The following CEP83 variants were observed in gnomAD, a reference collection of about 807,000 sequenced individuals.
The protein encoded by CEP83 is centrosomal protein of 83 kDa.
In CEP83, 70 loss-of-function variants were observed where a neutral mutation model predicts 101.9. The observed-to-expected ratio is 0.69, with a 90% CI of 0.57 to 0.84. CEP83 has a LOEUF of 0.84. CEP83 is among the 40% of genes least tolerant of loss of function. CEP83 has a pLI of 0.00. For synonymous variants in CEP83, 264 were observed against 267.9 expected (o/e 0.99, Z 0.14); for missense variants, 715 against 787.2 (o/e 0.91, Z 1.10).
At chr12:94,410,003 G>A (rs533872062) in intron 4 of CEP83, among the ~76,000 whole-genome samples, 4 of 152,106 alleles carry the variant, frequency 2.6e-5, no homozygotes, top group Non-Finnish European at 5.9e-5. Flanking sequence ...AACATATCCT[G>A]GTTGGGGATA....
At chr12:94,451,774 T>C (rs375951323) in intron 1 of CEP83, among the ~76,000 whole-genome samples, 18 of 152,288 alleles carry the variant, frequency 1.2e-4, no homozygotes, top group African/African-American at 4.3e-4. Context: ...GCTTACCATA[T>C]AATTCAACAA....
chr12:94,339,580 C>A (rs2059593229), intron 11 of CEP83, among the ~76,000 whole-genome samples: 1 of 152,194 alleles, frequency 6.6e-6, no homozygotes, highest in Admixed American at 6.5e-5. Flanking sequence ...AATGTAACTT[C>A]TTGGCTTCAT....
intron 4 of CEP83, among the ~76,000 whole-genome samples, chr12:94,408,315 A>T (rs1347527181): frequency 6.6e-6 from 1 of 152,234 alleles, no homozygotes; most frequent in Non-Finnish European, 1.5e-5. Context: ...AAATACTGCT[A>T]TGCCAAAAAT....
intron 2 of CEP83, among the ~76,000 whole-genome samples, chr12:94,429,357 G>C (rs1289691865): frequency 2.0e-5 from 3 of 152,138 alleles, no homozygotes. Context: ...ACTAACAAAG[G>C]GAACTGCATG....
At chr12:94,307,039 A>G (rs750717619), downstream of CEP83, 1 of 152,184 alleles carries the variant, frequency 6.6e-6, no homozygotes, top group Non-Finnish European at 1.5e-5. Context: ...AGTTGCCCAA[A>G]AGACTTCCCC....
chr12:94,352,419 C>CAAA (rs770031305), intron 11 of CEP83, among the ~76,000 whole-genome samples: 17 of 75,888 alleles, frequency 2.2e-4, no homozygotes, highest in South Asian at 9.8e-4. Context: ...GACTTTGTCT[C>CAAA]AAAAAAAAAA....
chr12:94,415,877 AC>A (rs1205235149), intron 2 of CEP83, among the ~76,000 whole-genome samples: 1 of 152,130 alleles, frequency 6.6e-6, no homozygotes, highest in African/African-American at 2.4e-5. Flanking sequence ...GGAAGACTAT[AC>A]CCTGTAACTA....
intron 1 of CEP83, among the ~76,000 whole-genome samples, chr12:94,444,701 A>T (rs554519171): frequency 4.7e-4 from 72 of 152,156 alleles, no homozygotes; most frequent in Middle Eastern, 3.4e-3. Context: ...AGAGACTATT[A>T]AAAAAGCAGG....
intron 11 of CEP83, among the ~76,000 whole-genome samples, chr12:94,351,289 G>A (rs938745628): frequency 6.6e-5 from 10 of 152,058 alleles, no homozygotes; most frequent in Non-Finnish European, 1.0e-4. Flanking sequence ...CCCTGAATCC[G>A]GTACAGGGAG....
intron 2 of CEP83, among the ~76,000 whole-genome samples, chr12:94,434,910 T>C (rs959295119): frequency 1.3e-5 from 2 of 152,202 alleles, no homozygotes; most frequent in Non-Finnish European, 2.9e-5. Context: ...CATGTTGGTG[T>C]TCAAAAAGTT....
chr12:94,322,625 T>C (rs577576273), intron 14 of CEP83, among the ~76,000 whole-genome samples: 3 of 152,190 alleles, frequency 2.0e-5, no homozygotes, highest in Admixed American at 6.5e-5. Context: ...TGGGGTATGG[T>C]TGTAGACCTC....
chr12:94,309,177 C>T (rs11107503), intron 16 of CEP83, among the ~76,000 whole-genome samples: 3 of 152,144 alleles, frequency 2.0e-5, no homozygotes, highest in African/African-American at 7.2e-5. Flanking sequence ...TTAGAAAATA[C>T]TAATGCAGGG....
the CEP83 span, among the ~76,000 whole-genome samples, chr12:94,298,151 A>G: frequency 6.6e-6 from 1 of 152,266 alleles, no homozygotes; most frequent in Non-Finnish European, 1.5e-5. Context: ...GCTGTCCCAT[A>G]GAGCCCAGCC....
intron 1 of CEP83, among the ~76,000 whole-genome samples, chr12:94,435,640 T>C (rs986538577): frequency 6.6e-6 from 1 of 152,194 alleles, no homozygotes; most frequent in African/African-American, 2.4e-5. Context: ...CTACCGCAGC[T>C]GCTCCTCTCT....
chr12:94,409,797 C>T (rs1312503943), intron 4 of CEP83, among the ~76,000 whole-genome samples: 2 of 152,110 alleles, frequency 1.3e-5, no homozygotes, highest in African/African-American at 4.8e-5. Flanking sequence ...TAAATCTCTG[C>T]CTCCACCATC....
intron 8 of CEP83, among the ~76,000 whole-genome samples, chr12:94,372,440 T>A (rs2061348839): frequency 6.6e-6 from 1 of 152,232 alleles, no homozygotes; most frequent in African/African-American, 2.4e-5. Flanking sequence ...TATAAATACT[T>A]TAAAATTTTG....
intron 11 of CEP83, among the ~76,000 whole-genome samples, chr12:94,360,094 TA>T (rs879513448): frequency 4.5e-4 from 69 of 151,958 alleles, no homozygotes; most frequent in African/African-American, 1.5e-3. Context: ...ACAAAAACTT[TA>T]AAAAAAATTA....
chr12:94,458,496 TG>T (rs1490131409), intron 1 of CEP83, among the ~76,000 whole-genome samples: 7 of 152,114 alleles, frequency 4.6e-5, no homozygotes, highest in African/African-American at 1.7e-4. Flanking sequence ...CCCAGCACTT[TG>T]GGAGGCCGAG....
At position 94,322,661 on chromosome 12, in the gene CEP83, A is replaced by G. The variant is rs118067734; in HGVS notation, c.1707+9039T>C. ...AGTCGGGAGATCCCACCCAGTGAGG[A>G]GAAATGAGATCCAGGAGCCACATGA... On this transcript the variant is annotated intron_variant, in intron 14 of 16. Coordinates refer to ENST00000397809, the MANE Select transcript of CEP83 (RefSeq NM_016122.3). 7.9e-4 allele frequency among the ~76,000 whole-genome samples: 120 copies of G among 152,290 alleles called. 1 individual carries two copies. In the East Asian group the frequency reaches 0.022, roughly 28 times the overall value.
Sources: gnomAD v4.1 joint callset for allele counts (sites outside exome capture counted in the v4.1 genomes callset) on GRCh38, gnomAD v4.1.1 for gene constraint, MANE v1.5 for transcripts, NCBI Gene and HGNC (gene_info 2026-07-23, HGNC 2026-07-21) for gene names.